Variants in CACNA2D1 observed in about 807,000 individuals in gnomAD.
CACNA2D1 encodes the protein calcium voltage-gated channel auxiliary subunit alpha2delta 1, also known as voltage-dependent calcium channel subunit alpha-2/delta-1.
Under a neutral mutation model 171.5 loss-of-function variants are expected in CACNA2D1, and 53 were observed. The observed-to-expected ratio is 0.31, with a 90% CI of 0.25 to 0.39. CACNA2D1 has a LOEUF of 0.39. Ranked by LOEUF, CACNA2D1 falls within the 10% of genes least tolerant of loss-of-function variation. The pLI is 1.00. For synonymous variants in CACNA2D1, 442 were observed against 443.1 expected (o/e 1.00, Z 0.03); for missense variants, 903 against 1,299.8 (o/e 0.69, Z 4.69).
chr7:82,441,051 TAC>T (rs1830468089), intron 1 of CACNA2D1, among the ~76,000 whole-genome samples: 1 of 151,966 alleles, frequency 6.6e-6, no homozygotes, highest in South Asian at 2.1e-4. Context: ...TTATTGACAC[TAC>T]AGTCTTTGCA....
intron 3 of CACNA2D1, among the ~76,000 whole-genome samples, chr7:82,309,336 G>T (rs570270452): frequency 1.3e-5 from 2 of 152,198 alleles, no homozygotes; most frequent in African/African-American, 4.8e-5. Context: ...AACCTGGGAG[G>T]TGGGGGTTGC....
At chr7:82,312,509 CTTTT>C (rs557443177) in intron 3 of CACNA2D1, among the ~76,000 whole-genome samples, 5 of 118,984 alleles carry the variant, frequency 4.2e-5, no homozygotes, top group Non-Finnish European at 6.8e-5. Flanking sequence ...TTAACTGAAA[CTTTT>C]TTTTTTTTTT....
At chr7:82,141,878 TAC>T (rs762571416) in intron 4 of CACNA2D1, among the ~76,000 whole-genome samples, 1 of 152,218 alleles carries the variant, frequency 6.6e-6, no homozygotes, top group Non-Finnish European at 1.5e-5. Flanking sequence ...CTCTAGAAAG[TAC>T]AGTTATACCA....
intron 3 of CACNA2D1, among the ~76,000 whole-genome samples, chr7:82,307,458 G>T (rs1438133215): frequency 6.7e-6 from 1 of 150,344 alleles, no homozygotes; most frequent in Non-Finnish European, 1.5e-5. Context: ...TGCCTGACAA[G>T]AATTATGTAA....
intron 25 of CACNA2D1, among the ~76,000 whole-genome samples, chr7:81,973,540 T>A (rs1462486914): frequency 6.6e-6 from 1 of 151,224 alleles, no homozygotes. Flanking sequence ...GAAAGATAAA[T>A]AATTGAAAAA....
intron 1 of CACNA2D1, among the ~76,000 whole-genome samples, chr7:82,421,176 G>A (rs1035990393): frequency 3.9e-5 from 6 of 152,106 alleles, no homozygotes; most frequent in Non-Finnish European, 7.4e-5. Context: ...TAAGGAGACA[G>A]TTTCTGATGT....
At position 81,964,125 on chromosome 7, in the gene CACNA2D1, T is replaced by C. The variant is rs1794453039; in HGVS notation, c.2728-17A>G. On this transcript the variant is annotated splice_polypyrimidine_tract_variant and intron_variant, in intron 33 of 38. Coordinates refer to ENST00000356860, the MANE Select transcript of CACNA2D1 (RefSeq NM_000722.4). ...TACTGATGGCTATAAAATAAAATAATAAGGTCATTTCAGTAGTCTACTTGA... is the reference window on the plus strand; with the variant it reads ...TACTGATGGCTATAAAATAAAATAACAAGGTCATTTCAGTAGTCTACTTGA... The C allele has an allele frequency of 1.2e-6, 2 of 1,611,866 alleles. No individual in the cohort carries two copies. Among genetic ancestry groups the C allele is most frequent in the African/African-American group, 1.3e-5 (1 of 74,794 alleles).
chr7:82,095,846 C>T (rs1811796217), intron 6 of CACNA2D1, among the ~76,000 whole-genome samples: 2 of 152,192 alleles, frequency 1.3e-5, no homozygotes, highest in South Asian at 4.1e-4. Context: ...AGAGAGATTT[C>T]ATCCATTCAA....
At chr7:82,189,647 T>C (rs1052784758) in intron 3 of CACNA2D1, among the ~76,000 whole-genome samples, 3 of 151,788 alleles carry the variant, frequency 2.0e-5, no homozygotes, top group South Asian at 2.1e-4. Context: ...CAACTGAATA[T>C]GGCAAGTCTG....
intron 19 of CACNA2D1, among the ~76,000 whole-genome samples, chr7:81,995,509 G>T (rs1797950486): frequency 6.6e-6 from 1 of 152,094 alleles, no homozygotes; most frequent in South Asian, 2.1e-4. Context: ...TTAAAAATAT[G>T]CAAGGTCGGC....
At chr7:82,212,004 C>T (rs1015272552) in intron 3 of CACNA2D1, among the ~76,000 whole-genome samples, 1 of 152,076 alleles carries the variant, frequency 6.6e-6, no homozygotes. Flanking sequence ...TTGTTATATG[C>T]TTGTTGACCA....
chr7:82,311,120 A>G (rs1177105676), intron 3 of CACNA2D1, among the ~76,000 whole-genome samples: 2 of 152,136 alleles, frequency 1.3e-5, no homozygotes, highest in Non-Finnish European at 2.9e-5. Flanking sequence ...AAATTTCTGT[A>G]TGCCACAGAA....
intron 3 of CACNA2D1, among the ~76,000 whole-genome samples, chr7:82,321,626 G>C (rs575461631): frequency 2.0e-5 from 3 of 152,230 alleles, no homozygotes; most frequent in Non-Finnish European, 4.4e-5. Flanking sequence ...CTCAGCAACT[G>C]AAAGCCATCA....
chr7:82,005,931 GT>G, intron 16 of CACNA2D1, 92 bp from the exon 17 acceptor site: 1 of 798,586 alleles, frequency 1.3e-6, no homozygotes, highest in Non-Finnish European at 2.3e-6. Flanking sequence ...TTGCATTATG[GT>G]TATATTCCAC....
At chr7:82,082,173 G>A (rs556464082) in intron 7 of CACNA2D1, among the ~76,000 whole-genome samples, 50 of 152,332 alleles carry the variant, frequency 3.3e-4, no homozygotes, top group Admixed American at 2.2e-3. Context: ...CCCTGCCACT[G>A]CTTCCTGATG....
At chr7:82,050,888 T>G (rs987248835) in intron 10 of CACNA2D1, 10 of 415,976 alleles carry the variant, frequency 2.4e-5, no homozygotes, top group Non-Finnish European at 4.5e-5. Flanking sequence ...AGCCCTAGGT[T>G]ACTTGTGTAA....
intron 4 of CACNA2D1, among the ~76,000 whole-genome samples, chr7:82,138,650 G>A (rs1563103759): frequency 6.6e-6 from 1 of 151,822 alleles, no homozygotes; most frequent in East Asian, 1.9e-4. Flanking sequence ...GTTTTACTGT[G>A]TTAGCCAGGA....
chr7:82,202,190 G>A (rs1057323040), intron 3 of CACNA2D1, among the ~76,000 whole-genome samples: 3 of 152,206 alleles, frequency 2.0e-5, no homozygotes, highest in South Asian at 2.1e-4. Flanking sequence ...CCCTGCTGAC[G>A]CTGTACATAC....
In CACNA2D1 at chr7:81,974,485, T is replaced by C; in HGVS notation, c.2023A>G (p.Ile675Val). The change falls in exon 25 of 39, where the codon ATT becomes GTT. Residue 675 changes from isoleucine to valine, a missense_variant. Physicochemically the swap from Ile to Val is conservative, Grantham distance 29 (BLOSUM62 3). This residue lies in a region of CACNA2D1 where 623 missense variants were observed against 925.5 expected (regional missense o/e 0.67). Transcript: ENST00000356860. ...TEFLLNFNEF[I>V]DRKTPNNPSC... ...GGGTTGTTTGGAGTTTTTCTATCAA[T>C]AAACTCGTTGAAATTTAAAAGAAAT... 6.4e-7 allele frequency: 1 copy of C among 1,566,794 alleles called. No homozygotes were observed. Among genetic ancestry groups the C allele is most frequent in the East Asian group, 2.3e-5 (1 of 44,342 alleles).
Sources: gnomAD v4.1 joint callset for allele counts (sites outside exome capture counted in the v4.1 genomes callset) on GRCh38, gnomAD v4.1.1 for gene constraint, gnomAD v4.1.1 regional missense constraint, MANE v1.5 for transcripts, NCBI Gene and HGNC (gene_info 2026-07-23, HGNC 2026-07-21) for gene names.